LTBP1: variants seen among roughly 807,000 people sequenced by gnomAD.
LTBP1 encodes the protein latent-transforming growth factor beta-binding protein 1.
In LTBP1, 129 loss-of-function variants were observed where a neutral mutation model predicts 207.6. That is an observed-to-expected ratio of 0.62 (90% CI 0.54 to 0.72). The LOEUF (loss-of-function observed/expected upper bound fraction) is 0.72, where lower values mean the gene tolerates loss of function less well. LTBP1 is among the 30% of genes least tolerant of loss of function. The probability of loss-of-function intolerance (pLI) is 0.00; values close to 1 mark genes in which losing one functional copy is unlikely to be tolerated. For missense variants in LTBP1, 2,281 were observed against 2,217.2 expected, an observed-to-expected ratio of 1.03 and a Z score of -0.58; for synonymous variants, 963 against 833.7, an observed-to-expected ratio of 1.16 and a Z score of -2.67.
intron 2 of LTBP1, among the ~76,000 whole-genome samples, chr2:33,008,763 C>T (rs942665466): frequency 6.6e-5 from 10 of 152,140 alleles, no homozygotes; most frequent in African/African-American, 2.4e-4. Flanking sequence ...TAAAGAAAAA[C>T]AAGGCAGGGT....
At chr2:33,376,609 G>GT (rs1278351606) in intron 31 of LTBP1, among the ~76,000 whole-genome samples, 21 of 152,188 alleles carry the variant, frequency 1.4e-4, no homozygotes, top group Non-Finnish European at 2.5e-4. Flanking sequence ...TCTCATGTGT[G>GT]TTTTTTTATA....
intron 22 of LTBP1, among the ~76,000 whole-genome samples, chr2:33,304,161 C>CT (rs2094045754): frequency 6.6e-6 from 1 of 152,172 alleles, no homozygotes; most frequent in South Asian, 2.1e-4. Flanking sequence ...AAGAAAGCTT[C>CT]TTTTGGAATA....
chr2:33,135,015 G>T (rs1195723739), intron 5 of LTBP1, 55 bp downstream of exon 5: 3 of 1,501,028 alleles, frequency 2.0e-6, no homozygotes, highest in Non-Finnish European at 1.8e-6. Context: ...TTATGAGATT[G>T]TAGCATTTAG....
At chr2:32,960,107 G>A (rs1431906769) in intron 2 of LTBP1, among the ~76,000 whole-genome samples, 1 of 152,150 alleles carries the variant, frequency 6.6e-6, no homozygotes, top group Non-Finnish European at 1.5e-5. Context: ...ATTCAAGGGT[G>A]AGGATACTCC....
intron 32 of LTBP1, among the ~76,000 whole-genome samples, chr2:33,394,371 C>A (rs146224878): frequency 0.13 from 19,444 of 152,028 alleles, 1,479 homozygotes; most frequent in Non-Finnish European, 0.16. Context: ...GTCCTTGCCC[C>A]TGCCTATGTC....
At chr2:33,191,252 T>C (rs2087842078) in intron 7 of LTBP1, among the ~76,000 whole-genome samples, 1 of 152,258 alleles carries the variant, frequency 6.6e-6, no homozygotes, top group Non-Finnish European at 1.5e-5. Flanking sequence ...GAAAAGATAC[T>C]ATTGACTTGT....
chr2:32,986,865 A>G (rs1181202633), intron 2 of LTBP1, among the ~76,000 whole-genome samples: 1 of 152,224 alleles, frequency 6.6e-6, no homozygotes, highest in Non-Finnish European at 1.5e-5. Context: ...ACCTGTTTTC[A>G]GAGCTTTAGT....
At chr2:33,360,897 T>A in intron 27 of LTBP1, 118 bp downstream of exon 27, 1 of 805,712 alleles carries the variant, frequency 1.2e-6, no homozygotes. Context: ...TTATAGTGAG[T>A]TTCATTCAGG....
chr2:33,101,521 T>C (rs1315831981), intron 3 of LTBP1, among the ~76,000 whole-genome samples: 1 of 152,180 alleles, frequency 6.6e-6, no homozygotes, highest in Non-Finnish European at 1.5e-5. Flanking sequence ...CTTATATCAC[T>C]ATGAAGGAGT....
rs757692182 is a variant in LTBP1, at chr2:33,014,974, C to T, written c.566-5935C>T. Among the ~76,000 whole-genome samples the T allele has an allele frequency of 1.9e-3, 285 of 150,558 alleles. 2 individuals carry two copies. The highest frequency in any genetic ancestry group is 3.6e-3 in the Non-Finnish European group (247 of 67,816). ...GCCCACTATCTGAGTTTATCGCTGTCTTGGTGGCAGTTTTGGCCACTTTTT... is the reference window on the plus strand; with the variant it reads ...GCCCACTATCTGAGTTTATCGCTGTTTTGGTGGCAGTTTTGGCCACTTTTT... On this transcript the variant is annotated intron_variant, in intron 2 of 33. Coordinates refer to ENST00000404816, the MANE Select transcript of LTBP1 (RefSeq NM_206943.4).
chr2:33,314,997 G>A (rs2094245520), intron 23 of LTBP1, 147 bp from the exon 24 acceptor site: 1 of 635,750 alleles, frequency 1.6e-6, no homozygotes, highest in Non-Finnish European at 2.6e-6. Flanking sequence ...AGCTTGTCCT[G>A]TGGTTGATTT....
intron 2 of LTBP1, among the ~76,000 whole-genome samples, chr2:32,975,201 G>C (rs971709565): frequency 6.6e-6 from 1 of 152,080 alleles, no homozygotes; most frequent in South Asian, 2.1e-4. Context: ...CTATATTTTG[G>C]CCCCCAGTCT....
intron 2 of LTBP1, among the ~76,000 whole-genome samples, chr2:32,955,861 G>A (rs544710709): frequency 2.0e-5 from 3 of 152,004 alleles, no homozygotes; most frequent in Non-Finnish European, 2.9e-5. Flanking sequence ...GGTTGTTTTC[G>A]TACTTATGGA....
chr2:33,290,320 A>G (rs1420132666), intron 19 of LTBP1, among the ~76,000 whole-genome samples: 3 of 152,344 alleles, frequency 2.0e-5, no homozygotes, highest in Admixed American at 6.5e-5. Flanking sequence ...TTTTCAAAGC[A>G]TAGCACTTCT....
chr2:33,170,402 CTA>C (rs1269574810), intron 5 of LTBP1, among the ~76,000 whole-genome samples: 3 of 152,086 alleles, frequency 2.0e-5, no homozygotes, highest in African/African-American at 7.2e-5. Flanking sequence ...TCGCTGATTG[CTA>C]GCACAGCAGT....
rs908107710 is a variant in LTBP1 at position 33,182,664 on chromosome 2, A to G, written c.1202-4192A>G. On this transcript the variant is annotated intron_variant, in intron 5 of 33. Transcript: ENST00000404816. ...GTGACAGAGTGAGACCCTGTCTCAA[A>G]AAAAAAAAGAAGAAAAGATGGTGAT... Among the ~76,000 whole-genome samples the G allele has an allele frequency of 2.9e-4, 29 of 99,728 alleles. 1 individual carries two copies. Among genetic ancestry groups the G allele is most frequent in the Non-Finnish European group, 4.8e-4 (22 of 45,902 alleles). The allele number at this position is 99,728 out of a possible 152,430, so 65.4% of individuals were successfully genotyped here.
chr2:33,342,733 C>A, intron 24 of LTBP1, 105 bp from the exon 25 acceptor site: 1 of 1,054,030 alleles, frequency 9.5e-7, no homozygotes, highest in Non-Finnish European at 1.4e-6. Flanking sequence ...ATCTCATCAT[C>A]ACACACTAAT....
intron 3 of LTBP1, among the ~76,000 whole-genome samples, chr2:33,044,809 C>G (rs1194389372): frequency 4.6e-5 from 7 of 152,178 alleles, no homozygotes; most frequent in African/African-American, 1.7e-4. Context: ...GCCATTCTAA[C>G]TGGGATGAGA....
At chr2:33,220,806 G>A (rs1013498645) in intron 8 of LTBP1, among the ~76,000 whole-genome samples, 9 of 152,172 alleles carry the variant, frequency 5.9e-5, no homozygotes, top group East Asian at 1.9e-4. Context: ...CATATCTCCC[G>A]TCTTTTAATT....
Sources: allele counts gnomAD v4.1 joint callset (sites outside exome capture counted in the v4.1 genomes callset), GRCh38; gene constraint gnomAD v4.1.1; transcripts MANE v1.5; gene names NCBI Gene and HGNC (gene_info 2026-07-23, HGNC 2026-07-21).